The following DYNC1I1 variants were observed in gnomAD, a reference collection of about 807,000 sequenced individuals.
The protein encoded by DYNC1I1 is cytoplasmic dynein 1 intermediate chain 1.
A neutral mutation model predicts 86.6 loss-of-function variants in DYNC1I1; 43 were observed. The ratio of observed to expected loss-of-function variants is 0.50; its 90% CI spans 0.39 to 0.64. The LOEUF is 0.64. Among genes scored for constraint, DYNC1I1 ranks in the 30% least tolerant of loss-of-function variants. DYNC1I1 has a pLI of 0.00. For missense variants in DYNC1I1, 604 were observed against 788.8 expected, an observed-to-expected ratio of 0.77 and a Z score of 2.81; for synonymous variants, 262 against 283.7, an observed-to-expected ratio of 0.92 and a Z score of 0.77.
intron 5 of DYNC1I1, among the ~76,000 whole-genome samples, chr7:95,838,765 G>T (rs187559693): frequency 1.3e-3 from 195 of 151,950 alleles, no homozygotes; most frequent in African/African-American, 4.1e-3. Flanking sequence ...TTAAATCTAA[G>T]TTTTTTTCTT....
chr7:96,043,593 A>C (rs1447387249), intron 14 of DYNC1I1, among the ~76,000 whole-genome samples: 1 of 152,176 alleles, frequency 6.6e-6, no homozygotes, highest in Non-Finnish European at 1.5e-5. Flanking sequence ...GGATCTTAAA[A>C]TATGGATCTT....
chr7:95,992,513 A>T (rs1465300628), intron 9 of DYNC1I1, among the ~76,000 whole-genome samples: 1 of 152,194 alleles, frequency 6.6e-6, no homozygotes, highest in African/African-American at 2.4e-5. Flanking sequence ...GGAAATGAGT[A>T]AACCATTGCC....
intron 7 of DYNC1I1, among the ~76,000 whole-genome samples, chr7:95,979,985 C>T (rs17705297): frequency 0.13 from 20,234 of 152,142 alleles, 1,509 homozygotes; most frequent in Non-Finnish European, 0.17. Flanking sequence ...TTAAAATACA[C>T]CTGGTGATAA....
chr7:95,938,223 G>C (rs931701795), intron 6 of DYNC1I1, among the ~76,000 whole-genome samples: 3 of 152,118 alleles, frequency 2.0e-5, no homozygotes, highest in African/African-American at 7.2e-5. Context: ...ATAACAAATT[G>C]GTTGCATATC....
At chr7:96,001,470 A>G (rs1794010538) in intron 10 of DYNC1I1, among the ~76,000 whole-genome samples, 1 of 152,250 alleles carries the variant, frequency 6.6e-6, no homozygotes, top group East Asian at 1.9e-4. Context: ...CAACAAAATA[A>G]CATTGACTGG....
intron 6 of DYNC1I1, among the ~76,000 whole-genome samples, chr7:95,887,795 C>T (rs958829825): frequency 6.6e-6 from 1 of 152,180 alleles, no homozygotes; most frequent in Non-Finnish European, 1.5e-5. Context: ...ATTTTAGAGC[C>T]TGCAAGCCCC....
chr7:96,106,806 C>T (rs1004832830), intron 16 of DYNC1I1, among the ~76,000 whole-genome samples: 1 of 152,084 alleles, frequency 6.6e-6, no homozygotes, highest in African/African-American at 2.4e-5. Flanking sequence ...ATTTCAAATG[C>T]TTTTAAATTT....
chr7:95,779,337 A>G (rs1793926180), intron 1 of DYNC1I1, among the ~76,000 whole-genome samples: 3 of 152,228 alleles, frequency 2.0e-5, no homozygotes, highest in South Asian at 4.1e-4. Flanking sequence ...GAGATCAGAT[A>G]TCCCACTTAC....
At chr7:95,842,500 C>A (rs1789313983) in intron 5 of DYNC1I1, among the ~76,000 whole-genome samples, 1 of 152,100 alleles carries the variant, frequency 6.6e-6, no homozygotes, top group Non-Finnish European at 1.5e-5. Flanking sequence ...ATATAGCTTG[C>A]CACAGTATCT....
chr7:95,827,993 T>C, intron 4 of DYNC1I1, 64 bp from the exon 5 acceptor site: 1 of 1,574,252 alleles, frequency 6.4e-7, no homozygotes, highest in Non-Finnish European at 8.7e-7. Context: ...TAGTTTGGTT[T>C]GGTTTGTTGC....
At chr7:95,948,157 G>C (rs10256925) in intron 6 of DYNC1I1, among the ~76,000 whole-genome samples, 1 of 152,168 alleles carries the variant, frequency 6.6e-6, no homozygotes. Context: ...GAGTTCCTCA[G>C]AAGTGTTTCG....
At chr7:95,854,070 C>T (rs1430322056) in intron 5 of DYNC1I1, among the ~76,000 whole-genome samples, 4 of 152,086 alleles carry the variant, frequency 2.6e-5, no homozygotes, top group Non-Finnish European at 5.9e-5. Flanking sequence ...CTCTTGTAGG[C>T]AGCGTATTTT....
intron 1 of DYNC1I1, among the ~76,000 whole-genome samples, chr7:95,784,929 T>C (rs944615673): frequency 3.3e-5 from 5 of 152,266 alleles, no homozygotes; most frequent in African/African-American, 9.6e-5. Flanking sequence ...TGCCATTCAC[T>C]TGGGGCCAGC....
At chr7:96,019,086 A>G (rs972266377) in intron 10 of DYNC1I1, among the ~76,000 whole-genome samples, 3 of 152,144 alleles carry the variant, frequency 2.0e-5, no homozygotes, top group East Asian at 1.9e-4. Flanking sequence ...GTATATATCT[A>G]TGGTATACAA....
chr7:96,039,316 G>A lies in DYNC1I1; in HGVS notation c.1404G>A (p.Gly468=), dbSNP rs375749764. 17 of 1,613,940 alleles carry A rather than the reference G, an allele frequency of 1.1e-5. No individual in the cohort carries two copies. The highest frequency in any genetic ancestry group is 1.4e-5 in the Non-Finnish European group (16 of 1,179,964). The stretch of plus-strand genomic sequence containing the variant: ...GTGAGGTCTTTGAAGGTCACCAAGG[G>A]CCAGTGACAGGAATTAACTGCCACA... ...GIGEVFEGHQ[G]PVTGINCHMA... Residue 468 remains glycine, a synonymous_variant, in exon 14 of 17, where the codon GGG becomes GGA. Transcript: ENST00000447467.
At chr7:95,971,982 T>A (rs223108) in intron 6 of DYNC1I1, among the ~76,000 whole-genome samples, 123,612 of 152,064 alleles carry the variant, frequency 0.81, 50,611 homozygotes, top group East Asian at 0.92. Flanking sequence ...GAGCAGAGCA[T>A]CAAGGGCTCT....
chr7:95,810,203 G>A (rs1220590182), intron 2 of DYNC1I1, among the ~76,000 whole-genome samples, 189 bp from the exon 3 acceptor site: 3 of 152,140 alleles, frequency 2.0e-5, no homozygotes, highest in Admixed American at 1.3e-4. Flanking sequence ...AGCCAAAAGA[G>A]AAAGTACTGG....
chr7:95,985,607 G>A (rs776680633), intron 8 of DYNC1I1, among the ~76,000 whole-genome samples: 55 of 152,258 alleles, frequency 3.6e-4, no homozygotes, highest in Non-Finnish European at 6.2e-4. Flanking sequence ...GGGGAGAATA[G>A]GAGGGACTAT....
intron 10 of DYNC1I1, among the ~76,000 whole-genome samples, chr7:96,011,929 A>T (rs1794285797): frequency 6.6e-6 from 1 of 152,202 alleles, no homozygotes; most frequent in Non-Finnish European, 1.5e-5. Context: ...AACTGGTAGA[A>T]GTTTTCCCAA....
Sources: gnomAD v4.1 joint callset for allele counts (sites outside exome capture counted in the v4.1 genomes callset) on GRCh38, gnomAD v4.1.1 for gene constraint, MANE v1.5 for transcripts, NCBI Gene and HGNC (gene_info 2026-07-23, HGNC 2026-07-21) for gene names.